The following CIMAP2 variants were observed in gnomAD, a reference collection of about 807,000 sequenced individuals.
CIMAP2 encodes the protein ciliary microtubule associated protein 2, also known as ciliary microtubule-associated protein 2.
At chr1:54,832,162 AC>A in the CIMAP2 span, among the ~76,000 whole-genome samples, 1 of 152,212 alleles carries the variant, frequency 6.6e-6, no homozygotes, top group Non-Finnish European at 1.5e-5. Context: ...GAACTTTTAC[AC>A]ACCCAAAATA....
the CIMAP2 span, chr1:54,811,765 G>GCCGGGGGGGGGGGCCGCGACCCCCC: frequency 7.7e-7 from 1 of 1,301,332 alleles, no homozygotes; most frequent in Non-Finnish European, 1.1e-6. Flanking sequence ...GGTTCTGACA[G>GCCGGGGGGGGGGGCCGCGACCCCCC]CCTCCATGCC....
At chr1:54,817,151 G>C in the CIMAP2 span, 1 of 1,612,814 alleles carries the variant, frequency 6.2e-7, no homozygotes. Context: ...GCAGGCGAAG[G>C]GGCGAGGGCG....
the CIMAP2 span, among the ~76,000 whole-genome samples, chr1:54,811,136 C>T: frequency 6.6e-6 from 1 of 152,190 alleles, no homozygotes; most frequent in African/African-American, 2.4e-5. Context: ...ATGGACCATG[C>T]GACACAGAAG....
At chr1:54,830,763 C>T in the CIMAP2 span, among the ~76,000 whole-genome samples, 1 of 152,216 alleles carries the variant, frequency 6.6e-6, no homozygotes, top group East Asian at 1.9e-4. This position sits in a 1 kb window ranked among gnomAD's most constrained non-coding sequence, Gnocchi z 4.1. Context: ...GTACCTAGTG[C>T]TGCCAATTCC....
the CIMAP2 span, among the ~76,000 whole-genome samples, chr1:54,821,069 T>C: frequency 2.0e-5 from 3 of 152,200 alleles, no homozygotes; most frequent in Non-Finnish European, 4.4e-5. Flanking sequence ...GCACCCAGCC[T>C]GCCCACTTTT....
At chr1:54,828,766 T>A in the CIMAP2 span, among the ~76,000 whole-genome samples, 8 of 152,192 alleles carry the variant, frequency 5.3e-5, no homozygotes, top group African/African-American at 1.9e-4. Flanking sequence ...ATTTAAGGCA[T>A]AAATGAAGAA....
At chr1:54,822,504 G>T in the CIMAP2 span, among the ~76,000 whole-genome samples, 2 of 150,972 alleles carry the variant, frequency 1.3e-5, no homozygotes, top group East Asian at 3.9e-4. Flanking sequence ...TTGTTACGTT[G>T]TTTATTTGAA....
At chr1:54,807,511 C>T in the CIMAP2 span, 1 of 1,509,572 alleles carries the variant, frequency 6.6e-7, no homozygotes, top group Non-Finnish European at 8.9e-7. Context: ...CAGCTCTGAC[C>T]ACACTCTGAC....
the CIMAP2 span, among the ~76,000 whole-genome samples, chr1:54,819,478 C>T: frequency 8.0e-4 from 122 of 152,332 alleles, no homozygotes; most frequent in African/African-American, 2.5e-3. Context: ...AAGCAATCCT[C>T]ACCTTGGTCT....
At chr1:54,817,642 G>A in the CIMAP2 span, among the ~76,000 whole-genome samples, 1 of 152,102 alleles carries the variant, frequency 6.6e-6, no homozygotes, top group Admixed American at 6.6e-5. Context: ...ATATTTGATT[G>A]ACCTAAGAGG....
the CIMAP2 span, chr1:54,811,765 G>GCCGGGGGGGGGGGGGGGGGGGGCCCCCC: frequency 1.5e-6 from 2 of 1,301,330 alleles, no homozygotes; most frequent in East Asian, 2.5e-5. Context: ...GGTTCTGACA[G>GCCGGGGGGGGGGGGGGGGGGGGCCCCCC]CCTCCATGCC....
the CIMAP2 span, chr1:54,811,765 G>GCGGGGGGGGGGCCCCCC: frequency 1.5e-6 from 2 of 1,301,330 alleles, no homozygotes; most frequent in Non-Finnish European, 2.2e-6. Context: ...GGTTCTGACA[G>GCGGGGGGGGGGCCCCCC]CCTCCATGCC....
the CIMAP2 span, chr1:54,811,773 G>GCCCCCTCCCCC: frequency 7.5e-7 from 1 of 1,325,052 alleles, no homozygotes; most frequent in Non-Finnish European, 1.0e-6. Flanking sequence ...CAGCCTCCAT[G>GCCCCCTCCCCC]CCCCCACCCC....
At chr1:54,836,077 T>C in the CIMAP2 span, among the ~76,000 whole-genome samples, 1 of 151,716 alleles carries the variant, frequency 6.6e-6, no homozygotes, top group Non-Finnish European at 1.5e-5. Context: ...GCATGTGGAG[T>C]CCTCTCCTTC....
chr1:54,829,025 C>T, the CIMAP2 span, among the ~76,000 whole-genome samples: 5 of 152,128 alleles, frequency 3.3e-5, no homozygotes, highest in Admixed American at 6.6e-5. Flanking sequence ...TTGACATATG[C>T]GTAGAAAACA....
At chr1:54,831,826 TA>T in the CIMAP2 span, among the ~76,000 whole-genome samples, 1 of 152,064 alleles carries the variant, frequency 6.6e-6, no homozygotes, top group Non-Finnish European at 1.5e-5. Context: ...TGGTAAACAA[TA>T]AAAAAATCCA....
At chr1:54,826,614 C>T in the CIMAP2 span, among the ~76,000 whole-genome samples, 3 of 152,214 alleles carry the variant, frequency 2.0e-5, no homozygotes, top group South Asian at 4.1e-4. Context: ...ACATGTACCC[C>T]CAGAAGTCCC....
chr1:54,835,440 C>T, the CIMAP2 span, among the ~76,000 whole-genome samples: 34 of 152,226 alleles, frequency 2.2e-4, no homozygotes, highest in Non-Finnish European at 3.7e-4. Context: ...CTGCCCGCCT[C>T]GGCCTCCCAA....
the CIMAP2 span, chr1:54,813,890 G>C: frequency 6.2e-7 from 1 of 1,613,854 alleles, no homozygotes; most frequent in Non-Finnish European, 8.5e-7. Flanking sequence ...AAGAAGCATG[G>C]GGTTTTTTCT....
Sources: gnomAD v4.1 joint callset for allele counts (sites outside exome capture counted in the v4.1 genomes callset) on GRCh38, gnomAD v4.1.1 for gene constraint, Gnocchi (gnomAD v3.1) non-coding constraint, MANE v1.5 for transcripts, NCBI Gene and HGNC (gene_info 2026-07-23, HGNC 2026-07-21) for gene names.